The following PCGF6 variants were observed in gnomAD, a reference collection of about 807,000 sequenced individuals.
PCGF6 encodes polycomb group RING finger protein 6.
A neutral mutation model predicts 45.5 loss-of-function variants in PCGF6; 24 were observed. The ratio of observed to expected loss-of-function variants is 0.53; its 90% CI spans 0.38 to 0.74. PCGF6 has a LOEUF of 0.74. Ranked by LOEUF, PCGF6 falls within the 30% of genes least tolerant of loss-of-function variation. PCGF6 has a pLI of 0.00. For synonymous variants in PCGF6, 152 were observed against 162.1 expected (o/e 0.94, Z 0.47); for missense variants, 356 against 443.2 (o/e 0.80, Z 1.77).
chr10:103,340,007 CAAAAAAAAAAAA>C (rs60211186), intron 6 of PCGF6, among the ~76,000 whole-genome samples: 1 of 60,176 alleles, frequency 1.7e-5, no homozygotes, highest in Non-Finnish European at 2.9e-5. Context: ...ACTAAAAATA[CAAAAAAAAAAAA>C]AAAAAAAAAA....
rs60968810 is a variant in PCGF6 at position 103,350,983 on chromosome 10, A to AGGAGGCGGAGGC, written c.72_83dup (p.Pro25_Pro28dup). The AGGAGGCGGAGGC allele has an allele frequency of 7.8e-6, 11 of 1,410,818 alleles. No individual in the cohort carries two copies. Among genetic ancestry groups the AGGAGGCGGAGGC allele is most frequent in the South Asian group, 3.3e-5 (2 of 61,042 alleles). 87.4% of individuals were successfully genotyped at this position (1,410,818 alleles called of 1,614,324 possible). A position where few individuals can be genotyped will look rare whatever the true frequency, so the allele number is the denominator to read the frequency against. ...CAGGGGTGAGGGCGGGCGGGGAGAC[A>AGGAGGCGGAGGC]GGAGGCGGAGGCGGCAAGGCTGCAG... On this transcript the variant is annotated inframe_insertion, in exon 1 of 10. Transcript: ENST00000369847.
At chr10:103,315,889 T>A (rs2093173321) in intron 8 of PCGF6, among the ~76,000 whole-genome samples, 3 of 152,100 alleles carry the variant, frequency 2.0e-5, no homozygotes. Context: ...CTTGCTAAGA[T>A]AGAAATGCAA....
At chr10:103,304,635 C>G (rs1167506617) in intron 9 of PCGF6, among the ~76,000 whole-genome samples, 2 of 144,904 alleles carry the variant, frequency 1.4e-5, no homozygotes, top group Non-Finnish European at 3.0e-5. Context: ...GCCAGAACAC[C>G]TGGCCCGACA....
intron 6 of PCGF6, among the ~76,000 whole-genome samples, chr10:103,336,345 A>G (rs190445615): frequency 6.0e-4 from 91 of 151,852 alleles, no homozygotes; most frequent in African/African-American, 2.1e-3. Context: ...ATATGAAATT[A>G]TATCAATATA....
chr10:103,308,522 C>T (rs2093145460), intron 9 of PCGF6, among the ~76,000 whole-genome samples: 1 of 151,834 alleles, frequency 6.6e-6, no homozygotes, highest in African/African-American at 2.4e-5. Context: ...CCTCAGCCTC[C>T]CAAGTAGCTG....
chr10:103,326,849 TCAA>T (rs1415929574), intron 7 of PCGF6, among the ~76,000 whole-genome samples: 1 of 152,198 alleles, frequency 6.6e-6, no homozygotes, highest in Non-Finnish European at 1.5e-5. Flanking sequence ...GAAAAGTATG[TCAA>T]CAATTTTTCT....
rs149919157 is a variant in PCGF6 at position 103,350,724 on chromosome 10, A to C, written c.343T>G (p.Ser115Ala). ...CTAAATACCTCCTCCTCGTCCTCCG[A>C]GTCCTGCCGGCCTCCCTCCAGCCTC... ...SLRLEGGRQD[S>A]EDEEERLINL... Residue 115 changes from serine (S) to alanine (A), a missense_variant, in exon 1 of 10, where the codon TCG becomes GCG. By Grantham distance (99) the Ser-to-Ala change is moderately conservative. This residue lies in a region of PCGF6 where 307 missense variants were observed against 350.1 expected (regional missense o/e 0.88). Coordinates refer to ENST00000369847, the MANE Select transcript of PCGF6 (RefSeq NM_001011663.2). 3 of 1,536,780 alleles carry C rather than the reference A, an allele frequency of 2.0e-6. No individual in the cohort carries two copies. Among genetic ancestry groups the C allele is most frequent in the African/African-American group, 1.4e-5 (1 of 71,592 alleles).
At position 103,326,574 on chromosome 10, in the gene PCGF6, T is replaced by C. The variant is rs2093219601; in HGVS notation, c.869A>G (p.Lys290Arg). 1 of 1,612,522 alleles carries C rather than the reference T, an allele frequency of 6.2e-7. No individual in the cohort carries two copies. The highest frequency in any genetic ancestry group is 8.5e-7 in the Non-Finnish European group (1 of 1,179,752). Reference sequence around the variant, plus strand: ...AAGACCCATTTTTCTTCTGAGGAATTTTTCTACATGTCCAATAGTTGCTTC... The same window carrying C: ...AAGACCCATTTTTCTTCTGAGGAATCTTTCTACATGTCCAATAGTTGCTTC... ...SGEATIGHVE[K>R]FLRRKMGLDP... is the part of the protein sequence containing the mutation. Residue 290 changes from lysine (K) to arginine (R), a missense_variant, in exon 8 of 10, where the codon AAA (lysine) becomes AGA (arginine). Coordinates refer to ENST00000369847, the MANE Select transcript of PCGF6 (RefSeq NM_001011663.2).
chr10:103,323,614 T>C (rs566993370), intron 8 of PCGF6, among the ~76,000 whole-genome samples: 33 of 150,230 alleles, frequency 2.2e-4, no homozygotes, highest in African/African-American at 7.8e-4. Context: ...TTTTTTGATA[T>C]AGAGTCTCCC....
In PCGF6 at chr10:103,320,555, C is replaced by T. The variant is rs775546184; in HGVS notation, c.909+5979G>A. On this transcript the variant is annotated intron_variant, in intron 8 of 9. Transcript: ENST00000369847. ...CTAGAAAATTAGCCAGGCATGGTGG[C>T]GCATGCCTGTAATCCCAGCTACTCA... Among the ~76,000 whole-genome samples, 15 of 152,126 alleles carry T rather than the reference C, an allele frequency of 9.9e-5. No homozygotes were observed. In the Middle Eastern group the frequency reaches 0.01, roughly 103 times the overall value.
intron 9 of PCGF6, among the ~76,000 whole-genome samples, chr10:103,309,877 G>C (rs555098318): frequency 2.0e-5 from 3 of 152,154 alleles, no homozygotes; most frequent in African/African-American, 7.2e-5. Context: ...CCCAGGTTGA[G>C]GCTACACTGA....
intron 8 of PCGF6, among the ~76,000 whole-genome samples, chr10:103,318,367 T>A (rs2093183843): frequency 6.9e-6 from 1 of 145,066 alleles, no homozygotes. Context: ...CACTCAAACC[T>A]GGGAGTCAGA....
At chr10:103,322,899 A>AC (rs376408461) in intron 8 of PCGF6, among the ~76,000 whole-genome samples, 101 of 151,472 alleles carry the variant, frequency 6.7e-4, no homozygotes, top group Admixed American at 1.8e-3. Flanking sequence ...CAAAAAACAA[A>AC]AAACAAAAAA....
chr10:103,305,262 C>G (rs532450232), intron 9 of PCGF6, among the ~76,000 whole-genome samples: 6 of 151,702 alleles, frequency 4.0e-5, no homozygotes, highest in Middle Eastern at 3.4e-3. Context: ...GTGTGAGGCA[C>G]GCATCCAGCC....
intron 7 of PCGF6, among the ~76,000 whole-genome samples, chr10:103,330,090 T>C (rs1459645701): frequency 6.6e-6 from 1 of 151,704 alleles, no homozygotes; most frequent in African/African-American, 2.4e-5. Context: ...GTTTGTTTTT[T>C]TTTTGAGATG....
chr10:103,331,064 C>T (rs1375860929), intron 7 of PCGF6, among the ~76,000 whole-genome samples: 1 of 152,154 alleles, frequency 6.6e-6, no homozygotes. Flanking sequence ...TAAATGAAAT[C>T]ATATAATATA....
At chr10:103,321,638 G>C (rs577003939) in intron 8 of PCGF6, among the ~76,000 whole-genome samples, 1 of 152,102 alleles carries the variant, frequency 6.6e-6, no homozygotes, top group Admixed American at 6.6e-5. Context: ...CATGAACCCG[G>C]GAGGCGGAGC....
At chr10:103,331,447 AG>A (rs939932579) in intron 7 of PCGF6, among the ~76,000 whole-genome samples, 3 of 151,902 alleles carry the variant, frequency 2.0e-5, no homozygotes, top group Non-Finnish European at 2.9e-5. Flanking sequence ...TAATAGAGAT[AG>A]AGTTTTGGCA....
chr10:103,337,431 T>C (rs1454427552), intron 6 of PCGF6, among the ~76,000 whole-genome samples: 3 of 152,188 alleles, frequency 2.0e-5, no homozygotes, highest in Non-Finnish European at 4.4e-5. Context: ...AACAATCCTT[T>C]GAGTTGCTAT....
Sources: gnomAD v4.1 joint callset for allele counts (sites outside exome capture counted in the v4.1 genomes callset) on GRCh38, gnomAD v4.1.1 for gene constraint, gnomAD v4.1.1 regional missense constraint, MANE v1.5 for transcripts, NCBI Gene and HGNC (gene_info 2026-07-23, HGNC 2026-07-21) for gene names.